Variants in RNF121 observed in about 807,000 individuals in gnomAD.
RNF121 encodes E3 ubiquitin ligase RNF121.
RNF121 carries 21 observed loss-of-function variants against 46.5 expected under a neutral mutation model. That is an observed-to-expected ratio of 0.45 (90% CI 0.32 to 0.65). The LOEUF (loss-of-function observed/expected upper bound fraction) is 0.65, where lower values mean the gene tolerates loss of function less well. Among genes scored for constraint, RNF121 ranks in the 30% least tolerant of loss-of-function variants. RNF121 has a pLI of 0.04. For synonymous variants in RNF121, 139 were observed against 144.7 expected (o/e 0.96, Z 0.28); for missense variants, 346 against 416.0 (o/e 0.83, Z 1.46).
chr11:71,992,947 C>G (rs556379622), intron 6 of RNF121, among the ~76,000 whole-genome samples: 1 of 152,102 alleles, frequency 6.6e-6, no homozygotes, highest in East Asian at 1.9e-4. Context: ...TCAGTGTCAT[C>G]CCCCAAGACC....
intron 1 of RNF121, among the ~76,000 whole-genome samples, chr11:71,951,017 C>T (rs1204326622): frequency 2.0e-5 from 3 of 152,000 alleles, no homozygotes; most frequent in South Asian, 4.1e-4. Flanking sequence ...CTGAGGTCGG[C>T]AGTTTGAGAC....
At chr11:71,996,124 GC>G in intron 8 of RNF121, 70 bp from the exon 9 acceptor site, 2 of 1,576,558 alleles carry the variant, frequency 1.3e-6, no homozygotes, top group Non-Finnish European at 1.7e-6. Flanking sequence ...GACCCAGGGA[GC>G]CCCACCACCC....
chr11:71,985,943 A>G (rs566767554), intron 4 of RNF121, among the ~76,000 whole-genome samples: 157 of 151,812 alleles, frequency 1.0e-3, no homozygotes, highest in Non-Finnish European at 1.9e-3. Context: ...AAAAAAAACA[A>G]AAAAAAAGGC....
intron 1 of RNF121, among the ~76,000 whole-genome samples, chr11:71,946,694 G>A (rs1193187588): frequency 2.7e-5 from 4 of 150,184 alleles, no homozygotes; most frequent in Non-Finnish European, 3.0e-5. Flanking sequence ...AAATAAGATG[G>A]TTGCATCTTA....
rs553736428 is a variant in RNF121, at chr11:71,978,096, T to G, written c.244-4665T>G. 1.4e-4 allele frequency: 47 copies of G among 333,398 alleles called. 2 individuals are homozygous for G. Among genetic ancestry groups the G allele is most frequent in the South Asian group, 9.6e-4 (47 of 49,036 alleles). The allele number at this position is 333,398 out of a possible 1,614,324, so 20.7% of individuals were successfully genotyped here. On this transcript the variant is annotated intron_variant, in intron 3 of 8. Coordinates refer to ENST00000361756, the MANE Select transcript of RNF121 (RefSeq NM_018320.5). ...TTTTTTTTTTTTAAGAGGTGGGGTT[T>G]CACCGTGTTGCCCAGGCTGGTCTCA... is the stretch of plus-strand genomic sequence containing the variant.
intron 1 of RNF121, among the ~76,000 whole-genome samples, chr11:71,943,933 A>G (rs1021253723): frequency 4.6e-5 from 7 of 152,242 alleles, no homozygotes; most frequent in African/African-American, 1.4e-4. Context: ...TAAAATAGGG[A>G]GACTGGAAAG....
chr11:71,995,281 G>A (rs1954951937), intron 7 of RNF121, 169 bp from the exon 8 acceptor site: 1 of 624,630 alleles, frequency 1.6e-6, no homozygotes, highest in Non-Finnish European at 2.9e-6. Context: ...TTGTGAGATA[G>A]GGATCATTAT....
At chr11:71,974,413 C>T (rs1954485609) in intron 3 of RNF121, among the ~76,000 whole-genome samples, 1 of 152,186 alleles carries the variant, frequency 6.6e-6, no homozygotes, top group Non-Finnish European at 1.5e-5. Context: ...TTGGTTCTTT[C>T]TCCTCAGTAG....
chr11:71,929,258 C>T (rs193012978), intron 1 of RNF121, 134 bp downstream of exon 1: 31,712 of 1,395,308 alleles, frequency 0.023, 455 homozygotes, highest in Non-Finnish European at 0.026. Flanking sequence ...GGGGCGGGTG[C>T]GTGGAGAGCG....
intron 1 of RNF121, among the ~76,000 whole-genome samples, chr11:71,945,718 G>T (rs1389089166): frequency 6.6e-6 from 1 of 151,978 alleles, no homozygotes; most frequent in Non-Finnish European, 1.5e-5. Context: ...TGGCTAAATG[G>T]GAAAAACTGT....
chr11:71,990,309 T>C (rs1158102918), intron 5 of RNF121, among the ~76,000 whole-genome samples: 2 of 152,142 alleles, frequency 1.3e-5, no homozygotes, highest in African/African-American at 4.8e-5. Flanking sequence ...CTGCAAGTCA[T>C]TGTCACCAGT....
chr11:71,957,465 A>G (rs142703953), intron 2 of RNF121, among the ~76,000 whole-genome samples: 373 of 152,296 alleles, frequency 2.4e-3, no homozygotes, highest in Middle Eastern at 0.01. Flanking sequence ...GCACCAAATC[A>G]TCTATCTGGG....
intron 1 of RNF121, among the ~76,000 whole-genome samples, chr11:71,934,830 G>A (rs956269597): frequency 2.0e-5 from 3 of 152,084 alleles, no homozygotes; most frequent in Non-Finnish European, 2.9e-5. Context: ...TTAGAAGCCT[G>A]TGTCGAGAAG....
At chr11:71,951,238 C>G (rs986550198) in intron 1 of RNF121, among the ~76,000 whole-genome samples, 1 of 149,850 alleles carries the variant, frequency 6.7e-6, no homozygotes, top group South Asian at 2.1e-4. Flanking sequence ...TAATGAAAGT[C>G]GTCTAAGCCA....
chr11:71,996,062 C>G, intron 8 of RNF121, 133 bp from the exon 9 acceptor site: 1 of 1,134,948 alleles, frequency 8.8e-7, no homozygotes, highest in Non-Finnish European at 1.2e-6. Flanking sequence ...TGGGCCCTTC[C>G]AGAAAGCAGC....
chr11:71,958,339 G>T (rs1954042395), intron 2 of RNF121, among the ~76,000 whole-genome samples: 1 of 152,112 alleles, frequency 6.6e-6, no homozygotes, highest in South Asian at 2.1e-4. Flanking sequence ...GTTTTGTTTT[G>T]TTTGAATAAC....
At chr11:71,966,327 C>G (rs144703214) in intron 3 of RNF121, among the ~76,000 whole-genome samples, 37 of 152,190 alleles carry the variant, frequency 2.4e-4, no homozygotes, top group African/African-American at 8.7e-4. Flanking sequence ...CCTGATATTT[C>G]CATTTTTATC....
At chr11:71,966,481 TG>T (rs1035169729) in intron 3 of RNF121, among the ~76,000 whole-genome samples, 11 of 152,070 alleles carry the variant, frequency 7.2e-5, no homozygotes, top group African/African-American at 2.6e-4. Context: ...AGTTCATTTC[TG>T]ATACTTTTTT....
At chr11:71,994,886 C>T in intron 7 of RNF121, 34 bp downstream of exon 7, 1 of 1,613,758 alleles carries the variant, frequency 6.2e-7, no homozygotes, top group Non-Finnish European at 8.5e-7. Flanking sequence ...CCACATCTCT[C>T]CTGCAATCTG....
Sources: gnomAD v4.1 joint callset for allele counts (sites outside exome capture counted in the v4.1 genomes callset) on GRCh38, gnomAD v4.1.1 for gene constraint, MANE v1.5 for transcripts, NCBI Gene and HGNC (gene_info 2026-07-23, HGNC 2026-07-21) for gene names.